The following FOLH1 variants were observed in gnomAD, a reference collection of about 807,000 sequenced individuals.
The protein encoded by FOLH1 is glutamate carboxypeptidase 2.
FOLH1 carries 54 observed loss-of-function variants against 93.9 expected under a neutral mutation model. The ratio of observed to expected loss-of-function variants is 0.57; its 90% CI spans 0.46 to 0.72. FOLH1 has a LOEUF of 0.72. Among genes scored for constraint, FOLH1 ranks in the 30% least tolerant of loss-of-function variants. The pLI, the probability that FOLH1 is intolerant of heterozygous loss-of-function variation, is 0.00. For synonymous variants in FOLH1, 249 were observed against 303.6 expected, an observed-to-expected ratio of 0.82 and a Z score of 1.87; for missense variants, 571 against 892.5, an observed-to-expected ratio of 0.64 and a Z score of 4.59.
intron 11 of FOLH1, among the ~76,000 whole-genome samples, chr11:49,170,497 C>A (rs1410623140): frequency 6.6e-6 from 1 of 152,080 alleles, no homozygotes; most frequent in African/African-American, 2.4e-5. Context: ...TGCCTGTAAT[C>A]CCAGCTACTC....
At position 49,148,629 on chromosome 11, in the gene FOLH1, C is replaced by A. The variant is rs1181188165; in HGVS notation, c.2063+10G>T. The A allele has an allele frequency of 1.3e-6, 2 of 1,560,946 alleles. No homozygotes were observed. The highest frequency in any genetic ancestry group is 1.7e-6 in the Non-Finnish European group (2 of 1,154,152). ...ATATTACAGAAAGGAGTCATATTTTCTTTTCTTACCTATAAAAAGGCCTGT... is the reference window on the plus strand; with the variant it reads ...ATATTACAGAAAGGAGTCATATTTTATTTTCTTACCTATAAAAAGGCCTGT... On this transcript the variant is annotated intron_variant, in intron 18 of 18. Coordinates refer to ENST00000256999, the MANE Select transcript of FOLH1 (RefSeq NM_004476.3).
chr11:49,176,470 G>T (rs1590567475), intron 7 of FOLH1, among the ~76,000 whole-genome samples: 1 of 152,126 alleles, frequency 6.6e-6, no homozygotes, highest in East Asian at 1.9e-4. Context: ...CAGAAATAAA[G>T]ATTCAGGCAG....
chr11:49,192,617 TAATAA>T, intron 4 of FOLH1, 171 bp downstream of exon 4: 1 of 397,862 alleles, frequency 2.5e-6, no homozygotes, highest in Admixed American at 4.5e-5. Context: ...AAAATACCAT[TAATAA>T]AATATAATCA....
rs1855743998 is a variant in FOLH1 at position 49,145,500 on chromosome 11, C to T, written c.*1256G>A. Among the ~76,000 whole-genome samples, 1 of 152,122 alleles carries T rather than the reference C, an allele frequency of 6.6e-6. No homozygotes were observed. The highest frequency in any genetic ancestry group is 1.5e-5 in the Non-Finnish European group (1 of 68,000). Reference sequence around the variant, plus strand: ...CCTTTGCCAAATTTGTAGTAGAGCCCCTCTGGCTTGACATTTCTTCATAAA... The same window carrying T: ...CCTTTGCCAAATTTGTAGTAGAGCCTCTCTGGCTTGACATTTCTTCATAAA... On this transcript the variant is annotated 3_prime_UTR_variant, in exon 19 of 19. Transcript: ENST00000256999.
At chr11:49,165,055 C>T (rs1186298590) in intron 12 of FOLH1, among the ~76,000 whole-genome samples, 2 of 152,160 alleles carry the variant, frequency 1.3e-5, no homozygotes. Flanking sequence ...CAGCCTGGAA[C>T]AGTATTCTGC....
chr11:49,148,653 G>T lies in FOLH1; in HGVS notation c.2049C>A (p.Asp683Glu), dbSNP rs1856059553. 2 of 1,598,790 alleles carry T rather than the reference G, an allele frequency of 1.3e-6. No homozygotes were observed. Among genetic ancestry groups the T allele is most frequent in the Non-Finnish European group, 1.7e-6 (2 of 1,174,518 alleles). ...TCTTTTCTTACCTATAAAAAGGCCT[G>T]TCTGGTAACCCTAATGGATCAATAA... is the stretch of plus-strand genomic sequence containing the variant. ...RAFIDPLGLP[D>E]RPFYRHVIYA... The change falls in exon 18 of 19, where the codon GAC (aspartate) becomes GAA (glutamate). Residue 683 changes from aspartate to glutamate, a missense_variant. Transcript: ENST00000256999.
intron 18 of FOLH1, among the ~76,000 whole-genome samples, chr11:49,148,241 G>C (rs1008433352): frequency 1.3e-5 from 2 of 150,736 alleles, no homozygotes; most frequent in African/African-American, 4.9e-5. Flanking sequence ...ATTATATATA[G>C]AGAGATGTTT....
At chr11:49,202,267 C>A (rs1415816604) in intron 2 of FOLH1, among the ~76,000 whole-genome samples, 1 of 152,040 alleles carries the variant, frequency 6.6e-6, no homozygotes, top group Non-Finnish European at 1.5e-5. Context: ...TTGAACCTAC[C>A]AGAATATCAA....
At chr11:49,178,004 C>T (rs1472103717) in intron 7 of FOLH1, among the ~76,000 whole-genome samples, 1 of 151,706 alleles carries the variant, frequency 6.6e-6, no homozygotes, top group East Asian at 1.9e-4. Context: ...TACCTGGGGG[C>T]CAGGCATGTA....
At chr11:49,198,526 T>A (rs1176200135) in intron 3 of FOLH1, among the ~76,000 whole-genome samples, 1 of 151,964 alleles carries the variant, frequency 6.6e-6, no homozygotes, top group Admixed American at 6.6e-5. Flanking sequence ...ATGTCTGCTC[T>A]TTTCCACATT....
At chr11:49,171,487 CAT>C (rs1859280410) in intron 10 of FOLH1, among the ~76,000 whole-genome samples, 1 of 151,984 alleles carries the variant, frequency 6.6e-6, no homozygotes, top group Non-Finnish European at 1.5e-5. Context: ...AAAGGGGGGA[CAT>C]GTGACAGTAA....
intron 8 of FOLH1, among the ~76,000 whole-genome samples, chr11:49,175,522 TAC>T (rs1859898260): frequency 6.6e-6 from 1 of 152,174 alleles, no homozygotes; most frequent in African/African-American, 2.4e-5. Context: ...GAGAGAAACT[TAC>T]ACTCTGCTCT....
intron 18 of FOLH1, 34 bp from the exon 19 acceptor site, chr11:49,146,979 C>T (rs764139484): frequency 1.1e-5 from 17 of 1,588,648 alleles, no homozygotes; most frequent in Middle Eastern, 1.7e-4. Flanking sequence ...TTATTAGGTG[C>T]CCAAATGATA....
chr11:49,161,972 A>G (rs1327084834), intron 13 of FOLH1, among the ~76,000 whole-genome samples: 1 of 152,150 alleles, frequency 6.6e-6, no homozygotes, highest in Non-Finnish European at 1.5e-5. Flanking sequence ...TCTGGCTTGC[A>G]GGGTTTCAGC....
At chr11:49,182,425 G>A (rs1252009993) in intron 7 of FOLH1, among the ~76,000 whole-genome samples, 3 of 150,864 alleles carry the variant, frequency 2.0e-5, no homozygotes, top group African/African-American at 7.3e-5. Context: ...GAACAAATCT[G>A]GGAAAGTTTC....
chr11:49,154,354 C>T lies in FOLH1; in HGVS notation c.1762G>A (p.Ala588Thr). 3 of 1,613,430 alleles carry T rather than the reference C, an allele frequency of 1.9e-6. No individual in the cohort carries two copies. Among genetic ancestry groups the T allele is most frequent in the Non-Finnish European group, 2.5e-6 (3 of 1,179,648 alleles). The stretch of plus-strand genomic sequence containing the variant: ...TCAAAAGGGAGCACTATGGAATTGG[C>T]TAGCTCAAACACCATCCCTCCTCGA... ...QVRGGMVFEL[A>T]NSIVLPFDCR... The change falls in exon 16 of 19, where the codon GCC becomes ACC. Residue 588 changes from alanine (A) to threonine (T), a missense_variant. Physicochemically the swap from Ala to Thr is moderately conservative, Grantham distance 58. This residue lies in a region of FOLH1 where 500 missense variants were observed against 822.9 expected (regional missense o/e 0.61). Transcript: ENST00000256999.
chr11:49,183,097 T>C, intron 7 of FOLH1, 52 bp downstream of exon 7: 1 of 1,490,286 alleles, frequency 6.7e-7, no homozygotes, highest in Non-Finnish European at 9.2e-7. Flanking sequence ...ATTTGAAAAC[T>C]GTCAATAAGA....
chr11:49,188,385 C>T (rs1266224756), intron 4 of FOLH1, among the ~76,000 whole-genome samples: 1 of 151,602 alleles, frequency 6.6e-6, no homozygotes, highest in East Asian at 1.9e-4. Context: ...CGTGGTGGCA[C>T]CGCCTGTAAT....
chr11:49,149,508 T>C (rs965405811), intron 17 of FOLH1, among the ~76,000 whole-genome samples: 3 of 152,166 alleles, frequency 2.0e-5, no homozygotes, highest in Non-Finnish European at 2.9e-5. Context: ...TAGGCAATTA[T>C]ATAAAATAGA....
Sources: allele counts gnomAD v4.1 joint callset (sites outside exome capture counted in the v4.1 genomes callset), GRCh38; gene constraint gnomAD v4.1.1; regional missense constraint gnomAD v4.1.1; transcripts MANE v1.5; gene names NCBI Gene and HGNC (gene_info 2026-07-23, HGNC 2026-07-21).